Variants in PLXNC1 observed in about 807,000 individuals in gnomAD.
PLXNC1 encodes the protein plexin-C1.
Under a neutral mutation model 178.2 loss-of-function variants are expected in PLXNC1, and 75 were observed. That is an observed-to-expected ratio of 0.42 (90% CI 0.35 to 0.51). The LOEUF is 0.51. Among genes scored for constraint, PLXNC1 ranks in the 20% least tolerant of loss-of-function variants. PLXNC1 has a pLI of 0.02. For missense variants in PLXNC1, 1,503 were observed against 1,984.4 expected, an observed-to-expected ratio of 0.76 and a Z score of 4.61; for synonymous variants, 790 against 779.9, an observed-to-expected ratio of 1.01 and a Z score of -0.22.
Position 94,229,584 on chromosome 12 carries a change from G to T in PLXNC1, c.1980+2349G>T, listed in dbSNP as rs77507078. On this transcript the variant is annotated intron_variant, in intron 9 of 30. Transcript: ENST00000258526. Reference sequence around the variant, plus strand: ...CAGTTCATTTTTATATATGGCATAAGAAATGGGTCTAACTTCATTCTTTTG... The same window carrying T: ...CAGTTCATTTTTATATATGGCATAATAAATGGGTCTAACTTCATTCTTTTG... Among the ~76,000 whole-genome samples the T allele has an allele frequency of 1.6e-3, 247 of 152,236 alleles. 4 individuals are homozygous for T. The highest frequency in any genetic ancestry group is 5.9e-3 in the African/African-American group (244 of 41,542).
intron 11 of PLXNC1, among the ~76,000 whole-genome samples, chr12:94,242,355 C>T (rs1393702913): frequency 7.4e-6 from 1 of 135,260 alleles, no homozygotes; most frequent in Non-Finnish European, 1.5e-5. Flanking sequence ...GTCACCCAGG[C>T]TGGAGTGCAG....
At position 94,282,408 on chromosome 12, in the gene PLXNC1, G is replaced by A. The variant is rs765880433; in HGVS notation, c.3879+7G>A. ...CACCATTGGCCACTATGAGGTAAGA[G>A]CAAGACTTGACCCCGTGTCTCCTTC... On this transcript the variant is annotated splice_region_variant and intron_variant, in intron 23 of 30. Transcript: ENST00000258526. 56 of 1,578,100 alleles carry A rather than the reference G, an allele frequency of 3.5e-5. No individual in the cohort carries two copies. The South Asian group carries it at 6.1e-4, about 17-fold the overall frequency.
intron 28 of PLXNC1, among the ~76,000 whole-genome samples, chr12:94,303,002 G>C (rs1354237396): frequency 6.6e-6 from 1 of 152,206 alleles, no homozygotes; most frequent in Non-Finnish European, 1.5e-5. Context: ...TCAAGCCATT[G>C]ATTCAGCCTC....
At chr12:94,199,905 C>T (rs1963057054) in intron 4 of PLXNC1, among the ~76,000 whole-genome samples, 1 of 152,204 alleles carries the variant, frequency 6.6e-6, no homozygotes, top group African/African-American at 2.4e-5. Context: ...ATTCTTCTGC[C>T]TCAGCCTCCT....
chr12:94,277,967 G>C (rs832506), intron 21 of PLXNC1: 411,395 of 456,006 alleles, frequency 0.9, 186,125 homozygotes, highest in East Asian at 0.99. Flanking sequence ...CTGAGCCCTA[G>C]GCAAATCAGA....
intron 2 of PLXNC1, among the ~76,000 whole-genome samples, chr12:94,172,298 A>T (rs187095584): frequency 6.6e-6 from 1 of 152,306 alleles, no homozygotes; most frequent in East Asian, 1.9e-4. Flanking sequence ...GCATTTTGAC[A>T]TGTGCCAGGC....
intron 1 of PLXNC1, among the ~76,000 whole-genome samples, chr12:94,159,580 A>G (rs1035195493): frequency 7.2e-5 from 11 of 152,136 alleles, no homozygotes; most frequent in Non-Finnish European, 1.5e-4. Context: ...CTAGGGAGGT[A>G]GAGGAGAGAG....
At chr12:94,154,734 T>G (rs1387792189) in intron 1 of PLXNC1, among the ~76,000 whole-genome samples, 1 of 152,200 alleles carries the variant, frequency 6.6e-6, no homozygotes, top group African/African-American at 2.4e-5. Context: ...GCTGAGTTTC[T>G]AGGTTTGCAT....
intron 1 of PLXNC1, among the ~76,000 whole-genome samples, chr12:94,160,849 G>T (rs1374877249): frequency 2.6e-5 from 4 of 152,166 alleles, no homozygotes; most frequent in Non-Finnish European, 4.4e-5. Flanking sequence ...TCAATTAAAG[G>T]TATAGTAATG....
At chr12:94,248,533 A>G (rs1432234264) in intron 14 of PLXNC1, 121 bp downstream of exon 14, 2 of 829,994 alleles carry the variant, frequency 2.4e-6, no homozygotes, top group African/African-American at 1.7e-5. Context: ...TAAATAGAAG[A>G]TAAACAAAGC....
At chr12:94,171,331 G>C (rs1313224952) in intron 2 of PLXNC1, among the ~76,000 whole-genome samples, 1 of 152,182 alleles carries the variant, frequency 6.6e-6, no homozygotes, top group Non-Finnish European at 1.5e-5. Flanking sequence ...TTTTTTTCAA[G>C]GTTTGAATAA....
intron 11 of PLXNC1, among the ~76,000 whole-genome samples, chr12:94,242,597 ATGGGGACACATTTTT>A (rs909176161): frequency 1.3e-5 from 2 of 152,030 alleles, no homozygotes; most frequent in Admixed American, 6.6e-5. Context: ...CATACATTTT[ATGGGGACACATTTTT>A]TGGGGACACA....
chr12:94,241,022 T>C (rs959157871), intron 11 of PLXNC1, among the ~76,000 whole-genome samples: 5 of 152,192 alleles, frequency 3.3e-5, no homozygotes, highest in African/African-American at 1.2e-4. Context: ...TTAGATACTT[T>C]AAGCTGTTTT....
At position 94,148,964 on chromosome 12, in the gene PLXNC1, C is replaced by T; in HGVS notation, c.-8C>T. The T allele has an allele frequency of 1.5e-6, 2 of 1,319,072 alleles. No individual in the cohort carries two copies. The highest frequency in any genetic ancestry group is 9.8e-7 in the Non-Finnish European group (1 of 1,018,194). 81.7% of individuals were successfully genotyped at this position (1,319,072 alleles called of 1,614,324 possible). A position where few individuals can be genotyped will look rare whatever the true frequency, so the allele number is the denominator to read the frequency against. ...CGCGCCCTGCCCGGGGGCGGCCCCC[C>T]CAGCCCCATGGAGGTCTCCCGGAGG... On this transcript the variant is annotated 5_prime_UTR_variant, in exon 1 of 31. Coordinates refer to ENST00000258526, the MANE Select transcript of PLXNC1 (RefSeq NM_005761.3). This position sits in a 1 kb window ranked among gnomAD's most constrained non-coding sequence, Gnocchi z 4.8.
At chr12:94,164,661 GCACA>G (rs3060912) in intron 1 of PLXNC1, among the ~76,000 whole-genome samples, 4,799 of 148,730 alleles carry the variant, frequency 0.032, 152 homozygotes, top group East Asian at 0.14. Context: ...ATGACTCCCT[GCACA>G]CACACACACA....
At chr12:94,248,531 A>G (rs1383923297) in intron 14 of PLXNC1, 119 bp downstream of exon 14, 31 of 827,048 alleles carry the variant, frequency 3.7e-5, no homozygotes, top group Non-Finnish European at 5.5e-5. Context: ...TTTAAATAGA[A>G]GATAAACAAA....
chr12:94,278,253 T>G (rs1966136543), intron 21 of PLXNC1: 6 of 351,262 alleles, frequency 1.7e-5, no homozygotes, highest in Non-Finnish European at 2.8e-5. Flanking sequence ...CCCAAGCCTT[T>G]CTGACTTTGT....
intron 23 of PLXNC1, among the ~76,000 whole-genome samples, chr12:94,291,136 G>A (rs907741957): frequency 1.3e-5 from 2 of 152,242 alleles, no homozygotes; most frequent in African/African-American, 2.4e-5. Flanking sequence ...AAGGTCTTAG[G>A]TGAGAACGCT....
chr12:94,244,941 T>C (rs1964486859), intron 12 of PLXNC1, among the ~76,000 whole-genome samples: 1 of 152,106 alleles, frequency 6.6e-6, no homozygotes, highest in Non-Finnish European at 1.5e-5. Context: ...CTCTCCTTGA[T>C]GAGATATGTG....
Sources: allele counts gnomAD v4.1 joint callset (sites outside exome capture counted in the v4.1 genomes callset), GRCh38; gene constraint gnomAD v4.1.1; non-coding constraint Gnocchi (gnomAD v3.1); transcripts MANE v1.5; gene names NCBI Gene and HGNC (gene_info 2026-07-23, HGNC 2026-07-21).